Variants in GRB7 observed in about 807,000 individuals in gnomAD.
GRB7 encodes the protein growth factor receptor bound protein 7.
GRB7 carries 47 observed loss-of-function variants against 64.1 expected under a neutral mutation model. The observed-to-expected ratio is 0.73, with a 90% CI of 0.58 to 0.94. The LOEUF is 0.94. GRB7 is among the 40% of genes least tolerant of loss of function. GRB7 has a pLI of 0.00. For synonymous variants in GRB7, 277 were observed against 279.9 expected (o/e 0.99, Z 0.10); for missense variants, 634 against 718.4 (o/e 0.88, Z 1.34).
At position 39,742,588 on chromosome 17, in the gene GRB7, C is replaced by T. The variant is rs61638836; in HGVS notation, c.178C>T (p.Arg60Cys). ...TGRKLREEER[R>C]ATSLPSIPNP... ...CAGGAAACTTCGAGAGGAGGAGAGG[C>T]GTGCCACCTCCCTCCCCTCTATCCC... is the stretch of plus-strand genomic sequence containing the variant. Residue 60 changes from arginine (R) to cysteine (C), a missense_variant, in exon 3 of 15, where the codon CGT becomes TGT. Coordinates refer to ENST00000309156, the MANE Select transcript of GRB7 (RefSeq NM_005310.5). 349 of 1,613,786 alleles carry T rather than the reference C, an allele frequency of 2.2e-4. No homozygotes were observed. Among genetic ancestry groups the T allele is most frequent in the Middle Eastern group, 6.6e-4 (4 of 6,062 alleles).
At chr17:39,744,736 G>T (rs2060028636) in intron 8 of GRB7, 73 bp downstream of exon 8, 1 of 1,415,396 alleles carries the variant, frequency 7.1e-7, no homozygotes, top group African/African-American at 1.4e-5. Context: ...TCCTGCCCGG[G>T]GCTTCTGAGC....
chr17:39,742,914 G>A lies in GRB7; in HGVS notation c.323G>A (p.Ser108Asn). The change falls in exon 4 of 15, where the codon AGT becomes AAT. Residue 108 changes from serine (S) to asparagine (N), a missense_variant. By Grantham distance (46) the Ser-to-Asn change is conservative (BLOSUM62 1). Coordinates refer to ENST00000309156, the MANE Select transcript of GRB7 (RefSeq NM_005310.5). ...GGGGCGCAGGTAGTAAAGGTGTACA[G>A]TGAGGATGGGGCCTGCAGGTCTGTG... ...ASRPHVVKVY[S>N]EDGACRSVEV... is the part of the protein sequence containing the mutation. 1 of 1,602,998 alleles carries A rather than the reference G, an allele frequency of 6.2e-7. No individual in the cohort carries two copies. Among genetic ancestry groups the A allele is most frequent in the Non-Finnish European group, 8.5e-7 (1 of 1,173,970 alleles).
rs945266495 is a variant in GRB7, at chr17:39,744,992, C to T, written c.1011+8C>T. 6 of 1,609,134 alleles carry T rather than the reference C, an allele frequency of 3.7e-6. No individual in the cohort carries two copies. Among genetic ancestry groups the T allele is most frequent in the Non-Finnish European group, 5.1e-6 (6 of 1,176,258 alleles). ...GCCTTCCGCCTCTTCAAGGTGAGAC[C>T]CTGGGAGTGGCATGGGGGGCTGGCC... On this transcript the variant is annotated splice_region_variant and intron_variant, in intron 9 of 14. Transcript: ENST00000309156.
rs772003369 is a variant in GRB7 at position 39,743,206 on chromosome 17, G to A, written c.490G>A (p.Val164Met). Residue 164 changes from valine (V) to methionine (M), a missense_variant, in exon 5 of 15, where the codon GTG becomes ATG. Coordinates refer to ENST00000309156, the MANE Select transcript of GRB7 (RefSeq NM_005310.5). ...LERGLEDHES[V>M]VEVQAAWPVG... ...GCGGGGTTTGGAGGACCACGAGTCC[G>A]TGGTGGAAGTGCAGGCTGCCTGGCC... 26 of 1,614,164 alleles carry A rather than the reference G, an allele frequency of 1.6e-5. No homozygotes were observed. The highest frequency in any genetic ancestry group is 1.2e-4 in the South Asian group (11 of 91,086).
In GRB7 at chr17:39,745,879, C is replaced by T. The variant is rs559518339; in HGVS notation, c.1271-34C>T. On this transcript the variant is annotated intron_variant, in intron 12 of 14. Transcript: ENST00000309156. ...AGTAGATGGTATAGGGGTCCCCTCCCCAAAGTGACCGCCCATGTCCTTCCC... is the reference window on the plus strand; with the variant it reads ...AGTAGATGGTATAGGGGTCCCCTCCTCAAAGTGACCGCCCATGTCCTTCCC... The T allele has an allele frequency of 1.1e-3, 1,807 of 1,613,248 alleles. 30 individuals are homozygous for T. In the South Asian group the frequency reaches 0.019, roughly 17 times the overall value.
chr17:39,743,277 G>C lies in GRB7; in HGVS notation c.561G>C (p.Lys187Asn). Residue 187 changes from lysine (K) to asparagine (N), a missense_variant, in exon 5 of 15, where the codon AAG becomes AAC. Around this residue, in one of 2 missense-constraint regions of GRB7, gnomAD observed 467 missense variants for 576.6 expected, o/e 0.81. Coordinates refer to ENST00000309156, the MANE Select transcript of GRB7 (RefSeq NM_005310.5). The part of the protein sequence containing the change: ...SRFVFRKNFA[K>N]YELFKSSPHS... ...TCGTCTTCCGGAAAAACTTCGCCAA[G>C]TACGAACTGTTCAAGAGCTCCCCAG... 4.3e-6 allele frequency: 7 copies of C among 1,614,238 alleles called. No individual in the cohort carries two copies. The highest frequency in any genetic ancestry group is 5.9e-6 in the Non-Finnish European group (7 of 1,180,042).
chr17:39,742,404 C>G lies in GRB7; in HGVS notation c.103C>G (p.Leu35Val). 8 of 1,614,014 alleles carry G rather than the reference C, an allele frequency of 5.0e-6. No individual in the cohort carries two copies. In the South Asian group the frequency reaches 8.8e-5, roughly 18 times the overall value. Residue 35 changes from leucine to valine, a missense_variant, in exon 2 of 15, where the codon CTG becomes GTG. Transcript: ENST00000309156. ...GACTCCCCGGCCCCCTGATACCCCT[C>G]TGCCTGAGGAGGTAAAGAGGTCCCA... ...PGTPRPPDTP[L>V]PEEVKRSQPL...
In GRB7 at chr17:39,742,414, A is replaced by T; in HGVS notation, c.113A>T (p.Glu38Val). Reference protein sequence around the residue: ...PRPPDTPLPEEVKRSQPLLIP... With the variant: ...PRPPDTPLPEVVKRSQPLLIP... ...CCCCCTGATACCCCTCTGCCTGAGG[A>T]GGTAAAGAGGTCCCAGCCTCTCCTC... is the stretch of plus-strand genomic sequence containing the variant. The change falls in exon 2 of 15, where the codon GAG (glutamate) becomes GTG (valine). Residue 38 changes from glutamate to valine, a missense_variant. Physicochemically the swap from Glu to Val is moderately radical, Grantham distance 121. This residue lies in a region of GRB7 where 167 missense variants were observed against 141.9 expected (regional missense o/e 1.18). Transcript: ENST00000309156. 3 of 1,613,814 alleles carry T rather than the reference A, an allele frequency of 1.9e-6. No homozygotes were observed. Among genetic ancestry groups the T allele is most frequent in the Non-Finnish European group, 2.5e-6 (3 of 1,179,966 alleles).
intron 1 of GRB7, 132 bp from the exon 2 acceptor site, chr17:39,742,120 C>A: frequency 1.5e-6 from 1 of 681,240 alleles, no homozygotes; most frequent in Non-Finnish European, 2.6e-6. Context: ...TAAAATGAGG[C>A]TCATTCTGTC....
At chr17:39,738,910 G>A in intron 1 of GRB7, 1 of 1,534,770 alleles carries the variant, frequency 6.5e-7, no homozygotes, top group Non-Finnish European at 8.7e-7. Context: ...CCTCCGATGG[G>A]AAAGTGGAGG....
chr17:39,745,417 T>C lies in GRB7; in HGVS notation c.1093-5T>C. 2 of 1,613,724 alleles carry C rather than the reference T, an allele frequency of 1.2e-6. No individual in the cohort carries two copies. Among genetic ancestry groups the C allele is most frequent in the Non-Finnish European group, 1.7e-6 (2 of 1,179,740 alleles). On this transcript the variant is annotated splice_polypyrimidine_tract_variant and splice_region_variant and intron_variant, in intron 10 of 14. Transcript: ENST00000309156. ...CTGACCTCTCTCCTCTCCTTCCATC[T>C]CCAGAGAAGTGCCTCAGATAATACC...
chr17:39,738,996 C>G (rs1348449245), intron 1 of GRB7: 8 of 1,367,184 alleles, frequency 5.9e-6, no homozygotes, highest in East Asian at 5.0e-5. Context: ...AGGGGCTCTG[C>G]AGTGCGGTGG....
chr17:39,745,591 G>A, intron 11 of GRB7, 53 bp downstream of exon 11: 1 of 1,571,374 alleles, frequency 6.4e-7, no homozygotes, highest in Non-Finnish European at 8.7e-7. Context: ...CTCTCTGGGT[G>A]GGATCCCTGA....
In GRB7 at chr17:39,746,215, G is replaced by T; in HGVS notation, c.1452+13G>T. On this transcript the variant is annotated intron_variant, in intron 14 of 14. Coordinates refer to ENST00000309156, the MANE Select transcript of GRB7 (RefSeq NM_005310.5). ...TCTCATCCTGCCGGTGAGCTTCCCT[G>T]CGTCCCCGGAGTCCTGCAATGAGAC... The T allele has an allele frequency of 6.2e-7, 1 of 1,607,306 alleles. No individual in the cohort carries two copies. Among genetic ancestry groups the T allele is most frequent in the South Asian group, 1.1e-5 (1 of 90,948 alleles).
Position 39,742,576 on chromosome 17 carries a change from G to C in GRB7, c.166G>C (p.Glu56Gln). The C allele has an allele frequency of 6.2e-7, 1 of 1,613,874 alleles. No homozygotes were observed. The highest frequency in any genetic ancestry group is 1.3e-5 in the African/African-American group (1 of 75,002). ...LIPTTGRKLREEERRATSLPS... is the reference protein window; with the variant it reads ...LIPTTGRKLRQEERRATSLPS... ...TTCTTCTTGCCACAGGAAACTTCGA[G>C]AGGAGGAGAGGCGTGCCACCTCCCT... Residue 56 changes from glutamate (E) to glutamine (Q), a missense_variant, in exon 3 of 15, where the codon GAG (glutamate) becomes CAG (glutamine). By Grantham distance (29) the Glu-to-Gln change is conservative. Coordinates refer to ENST00000309156, the MANE Select transcript of GRB7 (RefSeq NM_005310.5).
intron 1 of GRB7, 115 bp from the exon 2 acceptor site, chr17:39,742,137 C>G: frequency 2.7e-6 from 2 of 733,860 alleles, no homozygotes; most frequent in South Asian, 3.2e-5. Flanking sequence ...TGTCCTTCCC[C>G]AAGGGCTTCA....
At chr17:39,739,939 G>A in intron 1 of GRB7, 1 of 967,852 alleles carries the variant, frequency 1.0e-6, no homozygotes, top group African/African-American at 1.8e-5. Context: ...AGCCTTAGAA[G>A]CTTAAGGGCA....
intron 1 of GRB7, among the ~76,000 whole-genome samples, chr17:39,739,757 C>CAACGAG (rs1319109464): frequency 6.6e-6 from 1 of 152,220 alleles, no homozygotes; most frequent in Non-Finnish European, 1.5e-5. Flanking sequence ...AAGCCACGGA[C>CAACGAG]GGAGTTACCT....
rs201248416 is a variant in GRB7, at chr17:39,742,326, C to A, written c.25C>A (p.His9Asn). ...CATGGAGCTGGATCTGTCTCCACCT[C>A]ATCTTAGCAGCTCTCCGGAAGACCT... MELDLSPP[H>N]LSSSPEDLCP... Residue 9 changes from histidine to asparagine, a missense_variant, in exon 2 of 15, where the codon CAT becomes AAT. Physicochemically the swap from His to Asn is moderately conservative, Grantham distance 68 (BLOSUM62 1). Around this residue, in one of 2 missense-constraint regions of GRB7, gnomAD observed 167 missense variants for 141.9 expected, o/e 1.18. Coordinates refer to ENST00000309156, the MANE Select transcript of GRB7 (RefSeq NM_005310.5). 1 of 1,614,126 alleles carries A rather than the reference C, an allele frequency of 6.2e-7. No individual in the cohort carries two copies. The highest frequency in any genetic ancestry group is 2.2e-5 in the East Asian group (1 of 44,876).
Sources: allele counts gnomAD v4.1 joint callset (sites outside exome capture counted in the v4.1 genomes callset), GRCh38; gene constraint gnomAD v4.1.1; regional missense constraint gnomAD v4.1.1; transcripts MANE v1.5; gene names NCBI Gene and HGNC (gene_info 2026-07-23, HGNC 2026-07-21).